Variants in CTNNA2 observed in about 807,000 individuals in gnomAD.
The protein encoded by CTNNA2 is catenin alpha 2, also known as catenin alpha-2.
CTNNA2 carries 42 observed loss-of-function variants against 101.0 expected under a neutral mutation model. The ratio of observed to expected loss-of-function variants is 0.42; its 90% CI spans 0.32 to 0.54. The LOEUF (loss-of-function observed/expected upper bound fraction) is 0.54, where lower values mean the gene tolerates loss of function less well. Ranked by LOEUF, CTNNA2 falls within the 20% of genes least tolerant of loss-of-function variation. The pLI is 0.14. For synonymous variants in CTNNA2, 450 were observed against 456.4 expected, an observed-to-expected ratio of 0.99 and a Z score of 0.18; for missense variants, 871 against 1,223.1, an observed-to-expected ratio of 0.71 and a Z score of 4.29.
At chr2:80,390,123 T>C (rs1044507648) in intron 7 of CTNNA2, among the ~76,000 whole-genome samples, 3 of 152,244 alleles carry the variant, frequency 2.0e-5, no homozygotes, top group Admixed American at 6.5e-5. Context: ...CCTTCTTGTC[T>C]ACATGACTTT....
chr2:79,814,663 T>G (rs146945418), intron 3 of CTNNA2, among the ~76,000 whole-genome samples: 115 of 147,668 alleles, frequency 7.8e-4, no homozygotes, highest in African/African-American at 2.9e-3. Context: ...CACAGTTTCT[T>G]TATCCACTCA....
intron 4 of CTNNA2, among the ~76,000 whole-genome samples, chr2:79,433,088 G>A (rs1678674150): frequency 6.6e-6 from 1 of 152,192 alleles, no homozygotes; most frequent in Non-Finnish European, 1.5e-5. Context: ...CCAGCTTTCA[G>A]GAGATTGTTC....
intron 7 of CTNNA2, among the ~76,000 whole-genome samples, chr2:80,324,235 T>C (rs1679011591): frequency 6.6e-6 from 1 of 152,182 alleles, no homozygotes; most frequent in Non-Finnish European, 1.5e-5. Flanking sequence ...GTTAGGTGAT[T>C]TGCTTTGCTT....
chr2:80,025,801 G>C (rs139936155), intron 7 of CTNNA2, among the ~76,000 whole-genome samples: 1 of 152,208 alleles, frequency 6.6e-6, no homozygotes, highest in Non-Finnish European at 1.5e-5. Context: ...AAAGCAGCAC[G>C]TACTTGTCCT....
intron 3 of CTNNA2, among the ~76,000 whole-genome samples, chr2:79,783,615 T>A (rs1397891936): frequency 2.0e-5 from 3 of 152,170 alleles, no homozygotes; most frequent in Admixed American, 6.5e-5. Flanking sequence ...CTGTCTTAAT[T>A]TTTACATAAA....
rs1023189238 is a variant in CTNNA2 at position 79,930,386 on chromosome 2, C to T, written c.1056+20589C>T. ...AACACGGGTTCTAGCCACCTCCTCC[C>T]TCACTTCAGAGGACTCTTTGACATA... On this transcript the variant is annotated intron_variant, in intron 7 of 18. Coordinates refer to ENST00000402739, the MANE Select transcript of CTNNA2 (RefSeq NM_001282597.3). Among the ~76,000 whole-genome samples, 6 of 152,100 alleles carry T rather than the reference C, an allele frequency of 3.9e-5. 1 individual carries two copies. The highest frequency in any genetic ancestry group is 3.3e-4 in the Admixed American group (5 of 15,268).
In CTNNA2 at chr2:79,894,921, T is replaced by A. The variant is rs116255062; in HGVS notation, c.853-14673T>A. ...TTAAATGAATATATTAACTGTTTGA[T>A]CTTAGTAGCTATCAGTTTATCCATC... On this transcript the variant is annotated intron_variant, in intron 6 of 18. Coordinates refer to ENST00000402739, the MANE Select transcript of CTNNA2 (RefSeq NM_001282597.3). Among the ~76,000 whole-genome samples, 1,077 of 152,314 alleles carry A rather than the reference T, an allele frequency of 7.1e-3. 14 individuals are homozygous for A. The highest frequency in any genetic ancestry group is 0.025 in the African/African-American group (1,031 of 41,562).
At chr2:79,965,849 A>C (rs942788276) in intron 7 of CTNNA2, among the ~76,000 whole-genome samples, 1 of 144,258 alleles carries the variant, frequency 6.9e-6, no homozygotes, top group Non-Finnish European at 1.5e-5. Context: ...AAAAAAAAAA[A>C]AGAAGAAAAG....
At chr2:79,395,266 G>C (rs1034814420) in intron 4 of CTNNA2, among the ~76,000 whole-genome samples, 2 of 151,874 alleles carry the variant, frequency 1.3e-5, no homozygotes, top group South Asian at 4.2e-4. Flanking sequence ...TATACTTTAA[G>C]TTTTAGGGTA....
At chr2:80,256,772 C>A (rs796088825) in intron 7 of CTNNA2, among the ~76,000 whole-genome samples, 4 of 152,252 alleles carry the variant, frequency 2.6e-5, no homozygotes, top group African/African-American at 9.6e-5. Flanking sequence ...TCGCTGAAGC[C>A]AGACGTAGGA....
intron 9 of CTNNA2, among the ~76,000 whole-genome samples, chr2:80,535,813 T>G (rs1169732366): frequency 6.6e-6 from 1 of 152,176 alleles, no homozygotes; most frequent in Non-Finnish European, 1.5e-5. Flanking sequence ...TGACTGTTAA[T>G]CAGGCTGATA....
At chr2:79,388,917 T>C (rs1285437673) in intron 4 of CTNNA2, among the ~76,000 whole-genome samples, 2 of 152,234 alleles carry the variant, frequency 1.3e-5, no homozygotes, top group East Asian at 3.9e-4. Flanking sequence ...TTCACCTGCA[T>C]TTTAATCATA....
intron 1 of CTNNA2, among the ~76,000 whole-genome samples, chr2:79,645,769 T>C (rs1230947060): frequency 6.6e-6 from 1 of 152,222 alleles, no homozygotes; most frequent in Non-Finnish European, 1.5e-5. Context: ...CTTTTAATAA[T>C]ATAATGTTAT....
At chr2:79,199,025 T>C (rs1449104803) in intron 2 of CTNNA2, among the ~76,000 whole-genome samples, 1 of 152,170 alleles carries the variant, frequency 6.6e-6, no homozygotes, top group Non-Finnish European at 1.5e-5. Flanking sequence ...AGAAATAAAA[T>C]CTGCCAATAT....
At chr2:80,164,743 A>C (rs373988635) in intron 7 of CTNNA2, among the ~76,000 whole-genome samples, 1 of 143,700 alleles carries the variant, frequency 7.0e-6, no homozygotes, top group Admixed American at 7.1e-5. Context: ...GGGGAGGTCT[A>C]TTGATAACAA....
chr2:80,592,101 T>C (rs933690260), intron 15 of CTNNA2, among the ~76,000 whole-genome samples: 1 of 152,226 alleles, frequency 6.6e-6, no homozygotes, highest in African/African-American at 2.4e-5. Context: ...AAGCTGTTTT[T>C]AGAATCAAAC....
intron 2 of CTNNA2, among the ~76,000 whole-genome samples, chr2:79,286,451 G>A (rs1306701795): frequency 1.3e-5 from 2 of 151,804 alleles, no homozygotes; most frequent in Non-Finnish European, 2.9e-5. Flanking sequence ...CAGGCCTGGT[G>A]GTGACAAAAT....
intron 9 of CTNNA2, among the ~76,000 whole-genome samples, chr2:80,447,014 G>T (rs1226130437): frequency 3.9e-5 from 6 of 152,036 alleles, no homozygotes; most frequent in Non-Finnish European, 8.8e-5. Context: ...CCATAAATTT[G>T]ATGAGAATTA....
At chr2:79,719,531 T>G (rs75421203) in intron 2 of CTNNA2, among the ~76,000 whole-genome samples, 14,095 of 152,234 alleles carry the variant, frequency 0.093, 801 homozygotes, top group African/African-American at 0.16. Context: ...ATAAGCATTC[T>G]CTTTTATCCG....
Sources: allele counts gnomAD v4.1 joint callset (sites outside exome capture counted in the v4.1 genomes callset), GRCh38; gene constraint gnomAD v4.1.1; transcripts MANE v1.5; gene names NCBI Gene and HGNC (gene_info 2026-07-23, HGNC 2026-07-21).